The following DPP10 variants were observed in gnomAD, a reference collection of about 807,000 sequenced individuals.
The protein encoded by DPP10 is dipeptidyl peptidase like 10.
A neutral mutation model predicts 120.9 loss-of-function variants in DPP10; 33 were observed. The ratio of observed to expected loss-of-function variants is 0.27; its 90% confidence interval spans 0.21 to 0.37. The LOEUF is 0.37. DPP10 is among the 10% of genes least tolerant of loss of function. The pLI, the probability that DPP10 is intolerant of heterozygous loss-of-function variation, is 1.00. For synonymous variants in DPP10, 337 were observed against 326.1 expected (o/e 1.03, Z -0.36); for missense variants, 816 against 942.8 (o/e 0.87, Z 1.76).
chr2:114,466,931 C>T (rs1679434792), intron 1 of DPP10, among the ~76,000 whole-genome samples: 1 of 151,738 alleles, frequency 6.6e-6, no homozygotes, highest in Non-Finnish European at 1.5e-5. Context: ...GCCTATAGTC[C>T]CAGCTACTCC....
intron 1 of DPP10, among the ~76,000 whole-genome samples, chr2:115,028,550 A>T (rs1394892320): frequency 6.6e-6 from 1 of 152,124 alleles, no homozygotes; most frequent in Non-Finnish European, 1.5e-5. Flanking sequence ...TATGAAAAGA[A>T]TGTATATTCT....
chr2:115,348,305 C>T (rs901110744), intron 3 of DPP10, among the ~76,000 whole-genome samples: 2 of 152,074 alleles, frequency 1.3e-5, no homozygotes, highest in African/African-American at 4.8e-5. Context: ...AGAGTTTATA[C>T]ACATGTTTAT....
Position 115,630,304 on chromosome 2 carries a change from G to A in DPP10, c.442-59383G>A, listed in dbSNP as rs796781225. Among the ~76,000 whole-genome samples the A allele has an allele frequency of 3.3e-5, 5 of 152,240 alleles. 1 individual carries two copies. The highest frequency in any genetic ancestry group is 1.2e-4 in the African/African-American group (5 of 41,556). The stretch of plus-strand genomic sequence containing the variant: ...TGCTTATGAGCTTAAGAAGTTTTTA[G>A]ACTGAGACAGTTGGGGTTTTCTAGA... On this transcript the variant is annotated intron_variant, in intron 5 of 25. Transcript: ENST00000410059.
chr2:114,941,599 T>A (rs1696901741), intron 1 of DPP10, among the ~76,000 whole-genome samples: 1 of 152,206 alleles, frequency 6.6e-6, no homozygotes, highest in Non-Finnish European at 1.5e-5. Context: ...AATTTTTATA[T>A]GCAGGAATAA....
chr2:115,347,972 AT>A, intron 3 of DPP10, among the ~76,000 whole-genome samples: 1 of 152,172 alleles, frequency 6.6e-6, no homozygotes, highest in East Asian at 1.9e-4. Flanking sequence ...TAGTAAAATG[AT>A]TTGGGAGTAA....
chr2:115,162,466 C>G (rs2052484754), intron 1 of DPP10, among the ~76,000 whole-genome samples: 1 of 152,200 alleles, frequency 6.6e-6, no homozygotes, highest in Non-Finnish European at 1.5e-5. Context: ...GCCAAAGCGA[C>G]CCGAGCAGGC....
intron 3 of DPP10, among the ~76,000 whole-genome samples, chr2:115,365,528 A>G (rs534468447): frequency 4.5e-4 from 68 of 152,052 alleles, no homozygotes; most frequent in African/African-American, 1.6e-3. Flanking sequence ...ATGTTTAAGA[A>G]TTTATTTTTT....
chr2:115,750,421 T>G (rs1460408211), intron 10 of DPP10, among the ~76,000 whole-genome samples: 1 of 152,152 alleles, frequency 6.6e-6, no homozygotes, highest in Non-Finnish European at 1.5e-5. Flanking sequence ...ATATAGAAAT[T>G]TCAGTGGTTT....
At chr2:115,073,136 T>C (rs72949794) in intron 1 of DPP10, among the ~76,000 whole-genome samples, 3,201 of 152,334 alleles carry the variant, frequency 0.021, 108 homozygotes, top group African/African-American at 0.074. Flanking sequence ...CTGATCTTCC[T>C]GATTTTGTCT....
intron 4 of DPP10, among the ~76,000 whole-genome samples, chr2:115,507,049 C>CACACACAT (rs1438492308): frequency 6.6e-6 from 1 of 151,686 alleles, no homozygotes; most frequent in African/African-American, 2.4e-5. Context: ...CACACACACA[C>CACACACAT]ACACACAGAC....
intron 3 of DPP10, chr2:115,468,156 T>C (rs981238917): frequency 6.1e-6 from 3 of 495,022 alleles, no homozygotes; most frequent in African/African-American, 5.9e-5. Context: ...GACTTCTAAA[T>C]GGATCAGTAC....
At chr2:115,394,551 A>G (rs1450018964) in intron 3 of DPP10, among the ~76,000 whole-genome samples, 1 of 152,132 alleles carries the variant, frequency 6.6e-6, no homozygotes, top group Non-Finnish European at 1.5e-5. Flanking sequence ...ACTGATGGAT[A>G]ACATTTTTTA....
intron 4 of DPP10, among the ~76,000 whole-genome samples, chr2:115,524,570 AT>A (rs2078015000): frequency 6.6e-6 from 1 of 152,066 alleles, no homozygotes; most frequent in Non-Finnish European, 1.5e-5. Flanking sequence ...CTTAGGCATG[AT>A]TTATTCAATC....
At chr2:114,582,644 G>A (rs1690630301) in intron 1 of DPP10, among the ~76,000 whole-genome samples, 2 of 152,320 alleles carry the variant, frequency 1.3e-5, no homozygotes, top group African/African-American at 4.8e-5. Flanking sequence ...TAGTGCGTAT[G>A]TAGTAGTATC....
chr2:115,762,245 G>T (rs13020374), intron 11 of DPP10, among the ~76,000 whole-genome samples: 40,975 of 152,054 alleles, frequency 0.27, 5,853 homozygotes, highest in Middle Eastern at 0.44. Flanking sequence ...ATGCCTAGAG[G>T]TGAAAAGAGA....
At chr2:114,693,763 G>A (rs1212444678) in intron 1 of DPP10, among the ~76,000 whole-genome samples, 2 of 151,888 alleles carry the variant, frequency 1.3e-5, no homozygotes, top group Admixed American at 6.6e-5. Context: ...ATTTCTTGGA[G>A]GTTTCGTTTG....
At chr2:114,766,044 T>C (rs1417624200) in intron 1 of DPP10, among the ~76,000 whole-genome samples, 2 of 152,054 alleles carry the variant, frequency 1.3e-5, no homozygotes, top group Non-Finnish European at 2.9e-5. Context: ...GAAACGTATT[T>C]AGACTCTCAA....
At chr2:115,751,560 C>G (rs904670855) in intron 10 of DPP10, among the ~76,000 whole-genome samples, 2 of 152,138 alleles carry the variant, frequency 1.3e-5, no homozygotes, top group African/African-American at 4.8e-5. Flanking sequence ...AATATTACAG[C>G]CTTCCTTGTA....
intron 1 of DPP10, among the ~76,000 whole-genome samples, chr2:114,525,346 T>C (rs1685416201): frequency 6.6e-6 from 1 of 152,188 alleles, no homozygotes; most frequent in Non-Finnish European, 1.5e-5. Flanking sequence ...TTCAGTACAC[T>C]TGAGTCACAC....
Sources: allele counts gnomAD v4.1 joint callset (sites outside exome capture counted in the v4.1 genomes callset), GRCh38; gene constraint gnomAD v4.1.1; transcripts MANE v1.5; gene names NCBI Gene and HGNC (gene_info 2026-07-23, HGNC 2026-07-21).